RCAN2: variants seen among roughly 807,000 people sequenced by gnomAD.
The protein encoded by RCAN2 is calcipressin-2.
Under a neutral mutation model 23.6 loss-of-function variants are expected in RCAN2, and 9 were observed. That is an observed-to-expected ratio of 0.38 (90% confidence interval 0.23 to 0.67). The LOEUF is 0.67. RCAN2 is among the 30% of genes least tolerant of loss of function. The pLI is 0.51. For missense variants in RCAN2, 273 were observed against 302.3 expected (o/e 0.90, Z 0.72); for synonymous variants, 109 against 115.7 (o/e 0.94, Z 0.37).
At chr6:46,247,251 T>C (rs987823956) in intron 3 of RCAN2, among the ~76,000 whole-genome samples, 4 of 152,182 alleles carry the variant, frequency 2.6e-5, no homozygotes, top group Non-Finnish European at 5.9e-5. Flanking sequence ...GCTATGCTGT[T>C]GGCTGCCAGT....
intron 2 of RCAN2, among the ~76,000 whole-genome samples, chr6:46,288,822 A>G (rs998628444): frequency 3.3e-5 from 5 of 152,364 alleles, no homozygotes; most frequent in Admixed American, 1.3e-4. Flanking sequence ...TCAACTTGCT[A>G]GACTGAAAGT....
intron 4 of RCAN2, among the ~76,000 whole-genome samples, chr6:46,237,951 GC>G (rs982335753): frequency 6.6e-6 from 1 of 152,170 alleles, no homozygotes; most frequent in African/African-American, 2.4e-5. Context: ...TGACTTGCCA[GC>G]CCCCAGTTGT....
intron 2 of RCAN2, among the ~76,000 whole-genome samples, chr6:46,291,206 C>G (rs1017113251): frequency 2.0e-5 from 3 of 151,410 alleles, no homozygotes; most frequent in Non-Finnish European, 4.4e-5. Flanking sequence ...ATCTTAAAAA[C>G]TCAACCACAG....
At chr6:46,368,746 C>T (rs1481773414) in intron 2 of RCAN2, among the ~76,000 whole-genome samples, 1 of 152,028 alleles carries the variant, frequency 6.6e-6, no homozygotes, top group African/African-American at 2.4e-5. Context: ...AGGAATGGAG[C>T]TTTTAGGGCT....
intron 2 of RCAN2, among the ~76,000 whole-genome samples, chr6:46,292,917 C>T (rs1157526944): frequency 6.6e-6 from 1 of 152,098 alleles, no homozygotes; most frequent in African/African-American, 2.4e-5. Context: ...TGTTCCCCTC[C>T]CTGTGTCCAT....
At chr6:46,480,401 GA>G (rs1768826798) in intron 1 of RCAN2, among the ~76,000 whole-genome samples, 1 of 152,148 alleles carries the variant, frequency 6.6e-6, no homozygotes, top group Admixed American at 6.5e-5. Flanking sequence ...TTCCACAAAA[GA>G]AGAAAGAATG....
At chr6:46,389,557 T>G (rs1457376505) in intron 2 of RCAN2, among the ~76,000 whole-genome samples, 1 of 152,360 alleles carries the variant, frequency 6.6e-6, no homozygotes, top group South Asian at 2.1e-4. Flanking sequence ...GATCATGTGC[T>G]AGTCATCTCT....
intron 2 of RCAN2, among the ~76,000 whole-genome samples, chr6:46,419,537 C>G (rs972544858): frequency 2.8e-4 from 43 of 152,016 alleles, no homozygotes; most frequent in South Asian, 2.1e-4. Flanking sequence ...TCCCTGGGAC[C>G]CTGTTTTAAA....
chr6:46,440,239 A>G (rs1374558159), intron 2 of RCAN2, among the ~76,000 whole-genome samples: 1 of 152,230 alleles, frequency 6.6e-6, no homozygotes, highest in Admixed American at 6.5e-5. Context: ...AGTAAAACTT[A>G]AAGATAGTTT....
chr6:46,433,923 T>C (rs553101207), intron 2 of RCAN2, among the ~76,000 whole-genome samples: 8 of 152,364 alleles, frequency 5.3e-5, no homozygotes, highest in South Asian at 2.1e-4. Flanking sequence ...TGTTAAATGC[T>C]GCACACAATT....
intron 2 of RCAN2, among the ~76,000 whole-genome samples, chr6:46,306,983 C>G (rs773126081): frequency 6.6e-6 from 1 of 152,094 alleles, no homozygotes; most frequent in Non-Finnish European, 1.5e-5. Context: ...ATATCTAGAA[C>G]AGAGCCTGGC....
At chr6:46,298,179 G>C (rs1468526982) in intron 2 of RCAN2, among the ~76,000 whole-genome samples, 1 of 152,086 alleles carries the variant, frequency 6.6e-6, no homozygotes, top group African/African-American at 2.4e-5. Context: ...GCTTAGAAGG[G>C]AAAAATAATA....
At chr6:46,377,612 T>A (rs1765512953) in intron 2 of RCAN2, among the ~76,000 whole-genome samples, 1 of 152,218 alleles carries the variant, frequency 6.6e-6, no homozygotes, top group Non-Finnish European at 1.5e-5. Context: ...CACTCCCAAT[T>A]TGCCCTATCA....
chr6:46,292,885 C>A (rs368988900), intron 2 of RCAN2, among the ~76,000 whole-genome samples: 6 of 152,144 alleles, frequency 3.9e-5, no homozygotes, highest in African/African-American at 9.7e-5. Flanking sequence ...CCTCCACCCC[C>A]ACGACAGGCC....
intron 4 of RCAN2, among the ~76,000 whole-genome samples, chr6:46,227,832 G>T (rs1213517240): frequency 3.3e-5 from 5 of 152,132 alleles, no homozygotes; most frequent in Admixed American, 2.0e-4. Flanking sequence ...GAATGTGTTT[G>T]CTCTTGCTTG....
At chr6:46,471,633 G>A (rs1469077095) in intron 1 of RCAN2, among the ~76,000 whole-genome samples, 1 of 152,136 alleles carries the variant, frequency 6.6e-6, no homozygotes, top group Non-Finnish European at 1.5e-5. Context: ...TCTAAGTAAT[G>A]AGCAGTTGGT....
At chr6:46,421,230 G>A (rs1472580425) in intron 2 of RCAN2, among the ~76,000 whole-genome samples, 1 of 152,130 alleles carries the variant, frequency 6.6e-6, no homozygotes, top group East Asian at 1.9e-4. Context: ...GATTAAATGG[G>A]GAAAGTAAAC....
At chr6:46,363,492 G>A (rs1198103406) in intron 2 of RCAN2, among the ~76,000 whole-genome samples, 2 of 152,046 alleles carry the variant, frequency 1.3e-5, no homozygotes, top group Admixed American at 1.3e-4. Flanking sequence ...AGAAACTAGG[G>A]TAGTAAATAA....
intron 4 of RCAN2, among the ~76,000 whole-genome samples, chr6:46,232,647 G>T (rs1342377152): frequency 6.6e-6 from 1 of 152,020 alleles, no homozygotes; most frequent in Non-Finnish European, 1.5e-5. Flanking sequence ...ACAAAAATTA[G>T]CTGGGCATGG....
Sources: gnomAD v4.1 joint callset for allele counts (sites outside exome capture counted in the v4.1 genomes callset) on GRCh38, gnomAD v4.1.1 for gene constraint, MANE v1.5 for transcripts, NCBI Gene and HGNC (gene_info 2026-07-23, HGNC 2026-07-21) for gene names.